The following LSP1 variants were observed in gnomAD, a reference collection of about 807,000 sequenced individuals.
LSP1 encodes the protein lymphocyte specific protein 1, also known as lymphocyte-specific protein 1.
LSP1 carries 32 observed loss-of-function variants against 49.3 expected under a neutral mutation model. The ratio of observed to expected loss-of-function variants is 0.65; its 90% CI spans 0.49 to 0.87. The LOEUF is 0.87. LSP1 is among the 40% of genes least tolerant of loss of function. The probability of loss-of-function intolerance (pLI) is 0.00; values close to 1 mark genes in which losing one functional copy is unlikely to be tolerated. For synonymous variants in LSP1, 179 were observed against 178.8 expected (o/e 1.00, Z -0.01); for missense variants, 428 against 442.6 (o/e 0.97, Z 0.30).
intron 1 of LSP1, chr11:1,870,480 C>T (rs751559478): frequency 2.6e-4 from 307 of 1,194,662 alleles, no homozygotes; most frequent in Non-Finnish European, 3.0e-4. Flanking sequence ...GGGGAGGGGC[C>T]GGTGGCCAGG....
chr11:1,889,093 CCTT>C, intron 10 of LSP1: 1 of 592,156 alleles, frequency 1.7e-6, no homozygotes, highest in Non-Finnish European at 3.0e-6. Flanking sequence ...AGCCTCAGCC[CCTT>C]CTTCTGTCCA....
chr11:1,864,192 G>A (rs942358611), intron 1 of LSP1: 5 of 986,476 alleles, frequency 5.1e-6, no homozygotes, highest in Non-Finnish European at 6.0e-6. Flanking sequence ...AGGAGGGGAC[G>A]GGACAAAGAG....
chr11:1,888,108 C>T (rs1471048567), intron 10 of LSP1, among the ~76,000 whole-genome samples: 1 of 152,142 alleles, frequency 6.6e-6, no homozygotes, highest in Non-Finnish European at 1.5e-5. Flanking sequence ...TTATTAGTGA[C>T]CTGGGCCCCA....
rs1263683812 is a variant in LSP1 at position 1,884,191 on chromosome 11, G to A, written c.592-89G>A. On this transcript the variant is annotated intron_variant, in intron 5 of 10. Coordinates refer to ENST00000311604, the MANE Select transcript of LSP1 (RefSeq NM_002339.3). The surrounding 1 kb of genome is among the most constrained non-coding windows in gnomAD (Gnocchi z 4.1). The stretch of plus-strand genomic sequence containing the variant: ...AACCCCCATGATATAAGGGTTGGGG[G>A]TTGGATTAGTGGTTGGAGTAGCTGG... The A allele has an allele frequency of 5.2e-6, 8 of 1,524,564 alleles. No individual in the cohort carries two copies. The East Asian group carries it at 1.6e-4, about 30-fold the overall frequency. The allele number at this position is 1,524,564 out of a possible 1,614,324, so 94.4% of individuals were successfully genotyped here.
In LSP1 at chr11:1,869,290, T is replaced by A. The variant is rs1004971755; in HGVS notation, c.54-10797T>A. 20 of 266,748 alleles carry A rather than the reference T, an allele frequency of 7.5e-5. No homozygotes were observed. In the South Asian group the frequency reaches 7.6e-4, roughly 10 times the overall value. 16.5% of individuals were successfully genotyped at this position (266,748 alleles called of 1,614,324 possible). A position where few individuals can be genotyped will look rare whatever the true frequency, so the allele number is the denominator to read the frequency against. ...GCTGGGAGGGGGGCAACCCTGTGCCTGGGGCTGTGAGGGTCTCTTGACGAG... is the reference window on the plus strand; with the variant it reads ...GCTGGGAGGGGGGCAACCCTGTGCCAGGGGCTGTGAGGGTCTCTTGACGAG... On this transcript the variant is annotated intron_variant, in intron 1 of 10. Transcript: ENST00000311604.
chr11:1,879,655 G>A (rs532355001), intron 1 of LSP1, among the ~76,000 whole-genome samples: 3 of 152,324 alleles, frequency 2.0e-5, no homozygotes, highest in South Asian at 2.1e-4. Flanking sequence ...GGTGGGCTGC[G>A]GCCAGTCTCC....
chr11:1,880,391 G>A (rs1477595336), intron 2 of LSP1, among the ~76,000 whole-genome samples, 167 bp downstream of exon 2: 1 of 152,100 alleles, frequency 6.6e-6, no homozygotes, highest in Non-Finnish European at 1.5e-5. Context: ...CTCCTGGGGC[G>A]AGGGTGGCCA....
In LSP1 at chr11:1,859,726, C is replaced by T. The variant is rs550050822; in HGVS notation, c.53+6529C>T. Reference sequence around the variant, plus strand: ...GCCCCCAGCCCCCAGCCCCCAGCACCCATGACCCACCACCCTGCCCCCTAC... The same window carrying T: ...GCCCCCAGCCCCCAGCCCCCAGCACTCATGACCCACCACCCTGCCCCCTAC... On this transcript the variant is annotated intron_variant, in intron 1 of 10. Coordinates refer to ENST00000311604, the MANE Select transcript of LSP1 (RefSeq NM_002339.3). Among the ~76,000 whole-genome samples, 1,397 of 150,738 alleles carry T rather than the reference C, an allele frequency of 9.3e-3. 6 individuals are homozygous for T. Among genetic ancestry groups the T allele is most frequent in the Non-Finnish European group, 0.016 (1,048 of 67,408 alleles).
chr11:1,860,340 G>C, intron 1 of LSP1, among the ~76,000 whole-genome samples: 1 of 150,396 alleles, frequency 6.6e-6, no homozygotes, highest in South Asian at 2.1e-4. Context: ...TGGATGGATA[G>C]GTGCATGGAT....
intron 1 of LSP1, among the ~76,000 whole-genome samples, chr11:1,856,803 G>A (rs1281312788): frequency 1.3e-5 from 2 of 152,248 alleles, no homozygotes; most frequent in Non-Finnish European, 2.9e-5. Flanking sequence ...CCAAGGCCAG[G>A]CACCACCTGG....
intron 1 of LSP1, among the ~76,000 whole-genome samples, chr11:1,877,175 CCCCCA>C (rs1848347035): frequency 1.3e-5 from 2 of 152,144 alleles, no homozygotes; most frequent in Admixed American, 6.5e-5. Context: ...AGGCCAGAGG[CCCCCA>C]CCCCACCCCA....
intron 1 of LSP1, among the ~76,000 whole-genome samples, chr11:1,872,098 GGGCAC>G (rs1565077673): frequency 1.2e-4 from 16 of 137,292 alleles, no homozygotes; most frequent in South Asian, 2.4e-4. Flanking sequence ...TGGCTGGCGT[GGGCAC>G]TTTTGGGAGG....
In LSP1 at chr11:1,892,147, A is replaced by G. The variant is rs548195; in HGVS notation, c.*388A>G. 0.96 allele frequency: 146,642 copies of G among 152,346 alleles called. 70,590 individuals are homozygous for G. Among genetic ancestry groups the G allele is most frequent in the East Asian group, 1 (5,221 of 5,224 alleles). 9.4% of individuals were successfully genotyped at this position (152,346 alleles called of 1,614,324 possible). ...GTGGGTCACCCCCCCAGATCCAAGG[A>G]GAAACTGCAGGTCAAGGGCTGATAA... On this transcript the variant is annotated 3_prime_UTR_variant, in exon 11 of 11. Transcript: ENST00000311604.
chr11:1,866,459 G>A (rs574327316), intron 1 of LSP1: 105 of 1,469,512 alleles, frequency 7.1e-5, no homozygotes, highest in Middle Eastern at 3.6e-4. Flanking sequence ...TGTTGGGTCC[G>A]TGCAGATGCA....
At chr11:1,891,725 C>T (rs1849008828) in intron 10 of LSP1, 48 bp from the exon 11 acceptor site, 1 of 152,742 alleles carries the variant, frequency 6.5e-6, no homozygotes, top group Non-Finnish European at 1.5e-5. Flanking sequence ...TGTGGCCCCT[C>T]CCTGGACCCT....
intron 1 of LSP1, among the ~76,000 whole-genome samples, chr11:1,873,294 C>T (rs147565806): frequency 5.3e-5 from 8 of 151,916 alleles, no homozygotes; most frequent in Admixed American, 2.6e-4. Flanking sequence ...CTGCCCACTG[C>T]GGCGACCCCG....
chr11:1,866,650 C>T (rs1029191221), intron 1 of LSP1: 2 of 1,550,492 alleles, frequency 1.3e-6, no homozygotes, highest in Non-Finnish European at 1.7e-6. Flanking sequence ...GGTCAGACCT[C>T]CCTCCCTGCC....
intron 1 of LSP1, chr11:1,864,204 A>G: frequency 1.0e-6 from 1 of 986,856 alleles, no homozygotes; most frequent in East Asian, 1.1e-4. Context: ...GACAAAGAGG[A>G]ACCAGCGAAG....
Position 1,884,609 on chromosome 11 carries a change from G to C in LSP1, c.717+28G>C. 1 of 1,590,492 alleles carries C rather than the reference G, an allele frequency of 6.3e-7. No individual in the cohort carries two copies. The highest frequency in any genetic ancestry group is 1.3e-5 in the African/African-American group (1 of 74,492). On this transcript the variant is annotated intron_variant, in intron 7 of 10. Coordinates refer to ENST00000311604, the MANE Select transcript of LSP1 (RefSeq NM_002339.3). This position sits in a 1 kb window ranked among gnomAD's most constrained non-coding sequence, Gnocchi z 4.1. ...ATGACCTGGCTCCCCTCTGCTGTCA[G>C]GTCCCTCCTGCATCCTGGCACCATT...
Sources: gnomAD v4.1 joint callset for allele counts (sites outside exome capture counted in the v4.1 genomes callset) on GRCh38, gnomAD v4.1.1 for gene constraint, Gnocchi (gnomAD v3.1) non-coding constraint, MANE v1.5 for transcripts, NCBI Gene and HGNC (gene_info 2026-07-23, HGNC 2026-07-21) for gene names.